MED30: variants seen among roughly 807,000 people sequenced by gnomAD.
The protein encoded by MED30 is mediator complex subunit 30, also known as mediator of RNA polymerase II transcription subunit 30.
In MED30, 8 loss-of-function variants were observed where a neutral mutation model predicts 21.7. That is an observed-to-expected ratio of 0.37 (90% CI 0.22 to 0.67). The LOEUF (loss-of-function observed/expected upper bound fraction) is 0.67. Ranked by LOEUF, MED30 falls within the 30% of genes least tolerant of loss-of-function variation. The pLI is 0.58. For synonymous variants in MED30, 79 were observed against 86.7 expected, an observed-to-expected ratio of 0.91 and a Z score of 0.49; for missense variants, 203 against 228.2, an observed-to-expected ratio of 0.89 and a Z score of 0.71.
Position 117,528,771 on chromosome 8 carries a change from A to G in MED30, c.298A>G (p.Asn100Asp). Reference sequence around the variant, plus strand: ...GCTGAGATTGGTATATGACAAATGCAATGAAAACTGTGGTGGGATGGATCC... The same window carrying G: ...GCTGAGATTGGTATATGACAAATGCGATGAAAACTGTGGTGGGATGGATCC... ...RKLRLVYDKCNENCGGMDPIP... is the reference protein window; with the variant it reads ...RKLRLVYDKCDENCGGMDPIP... Residue 100 changes from asparagine to aspartate, a missense_variant, in exon 2 of 4, where the codon AAT becomes GAT. Physicochemically the swap from Asn to Asp is conservative, Grantham distance 23. Transcript: ENST00000297347. 1.2e-6 allele frequency: 2 copies of G among 1,607,534 alleles called. No individual in the cohort carries two copies. Among genetic ancestry groups the G allele is most frequent in the Non-Finnish European group, 1.7e-6 (2 of 1,177,438 alleles).
At position 117,520,990 on chromosome 8, in the gene MED30, G is replaced by A. The variant is rs748959994; in HGVS notation, c.114G>A (p.Gln38=). Residue 38 remains glutamine, a synonymous_variant, in exon 1 of 4, where the codon CAG becomes CAA. Transcript: ENST00000297347. ...VNTASLCRIG[Q]ETVQDIVYRT... is the part of the protein sequence containing the mutation. ...CGGCGTCGCTGTGCCGCATCGGGCA[G>A]GAGACAGTGCAGGACATCGTGTACC... The A allele has an allele frequency of 3.1e-6, 5 of 1,613,022 alleles. No individual in the cohort carries two copies. Among genetic ancestry groups the A allele is most frequent in the Admixed American group, 1.7e-5 (1 of 59,946 alleles).
In MED30 at chr8:117,520,906, G is replaced by A. The variant is rs769459980; in HGVS notation, c.30G>A (p.Gly10=). The change falls in exon 1 of 4, where the codon GGG becomes GGA. Residue 10 remains glycine (G), a synonymous_variant. Transcript: ENST00000297347. ...CCACCCCTCCGTTGGCCGCGTCGGG[G>A]ATGGCGCCCGGGCCCTTCGCCGGGC... is the stretch of plus-strand genomic sequence containing the variant. MSTPPLAAS[G]MAPGPFAGPQ... is the part of the protein sequence containing the mutation. The A allele has an allele frequency of 6.2e-7, 1 of 1,607,566 alleles. No homozygotes were observed. Among genetic ancestry groups the A allele is most frequent in the African/African-American group, 1.3e-5 (1 of 74,720 alleles).
chr8:117,527,518 T>A (rs908125141), intron 1 of MED30, among the ~76,000 whole-genome samples: 1 of 151,954 alleles, frequency 6.6e-6, no homozygotes, highest in Non-Finnish European at 1.5e-5. Flanking sequence ...ATCTTACACA[T>A]CTTTTATCAA....
chr8:117,531,993 G>A (rs1052366533), intron 3 of MED30, among the ~76,000 whole-genome samples: 4 of 151,868 alleles, frequency 2.6e-5, no homozygotes, highest in Non-Finnish European at 4.4e-5. Context: ...TTACAATGCT[G>A]TAAACCTATT....
intron 1 of MED30, among the ~76,000 whole-genome samples, chr8:117,527,277 C>A (rs946061285): frequency 6.6e-6 from 1 of 151,894 alleles, no homozygotes; most frequent in Non-Finnish European, 1.5e-5. Context: ...GAGAAATGAA[C>A]CCTTAATGCC....
chr8:117,525,780 G>T (rs559928093), intron 1 of MED30, among the ~76,000 whole-genome samples: 1 of 152,066 alleles, frequency 6.6e-6, no homozygotes, highest in South Asian at 2.1e-4. Flanking sequence ...TCTATTCCAC[G>T]TAGCTGCCTA....
intron 2 of MED30, 88 bp downstream of exon 2, chr8:117,528,897 T>C: frequency 9.0e-7 from 1 of 1,114,228 alleles, no homozygotes; most frequent in Non-Finnish European, 1.2e-6. Context: ...TCTCCTGTTT[T>C]AGCAATATTT....
Position 117,520,757 on chromosome 8 carries a change from T to G in MED30, c.-120T>G. Reference sequence around the variant, plus strand: ...GGAAGTCGCGGCCGCTGTTTTGAAATCGGGCCGCGGGGGGTCTCTCAAGCT... The same window carrying G: ...GGAAGTCGCGGCCGCTGTTTTGAAAGCGGGCCGCGGGGGGTCTCTCAAGCT... On this transcript the variant is annotated 5_prime_UTR_variant, in exon 1 of 4. Coordinates refer to ENST00000297347, the MANE Select transcript of MED30 (RefSeq NM_080651.4). The G allele has an allele frequency of 9.7e-7, 1 of 1,036,130 alleles. No homozygotes were observed. Among genetic ancestry groups the G allele is most frequent in the Non-Finnish European group, 1.3e-6 (1 of 745,422 alleles). The allele number at this position is 1,036,130 out of a possible 1,614,324, so 64.2% of individuals were successfully genotyped here.
At chr8:117,523,574 C>T in intron 1 of MED30, 2 of 1,601,888 alleles carry the variant, frequency 1.2e-6, no homozygotes, top group South Asian at 2.2e-5. Flanking sequence ...TGTCTCCAGG[C>T]AAACTGTTCC....
chr8:117,539,579 T>A (rs1343855868), intron 3 of MED30, among the ~76,000 whole-genome samples: 2 of 152,222 alleles, frequency 1.3e-5, no homozygotes, highest in Admixed American at 6.5e-5. Flanking sequence ...CTTATATGCT[T>A]ATGTTTTATA....
In MED30 at chr8:117,528,773, T is replaced by A. The variant is rs1315394537; in HGVS notation, c.300T>A (p.Asn100Lys). The A allele has an allele frequency of 2.8e-5, 45 of 1,607,258 alleles. No individual in the cohort carries two copies. The highest frequency in any genetic ancestry group is 3.7e-5 in the Non-Finnish European group (44 of 1,177,394). Residue 100 changes from asparagine to lysine, a missense_variant, in exon 2 of 4, where the codon AAT (asparagine) becomes AAA (lysine). Transcript: ENST00000297347. The stretch of plus-strand genomic sequence containing the variant: ...TGAGATTGGTATATGACAAATGCAA[T>A]GAAAACTGTGGTGGGATGGATCCCA... ...RKLRLVYDKC[N>K]ENCGGMDPIP...
intron 1 of MED30, among the ~76,000 whole-genome samples, chr8:117,526,024 C>T (rs1454490074): frequency 6.6e-6 from 1 of 152,024 alleles, no homozygotes; most frequent in East Asian, 1.9e-4. Context: ...TATTCTTTTT[C>T]TGTTTTCCTA....
chr8:117,530,321 A>T (rs1270622285), intron 2 of MED30: 1 of 152,552 alleles, frequency 6.6e-6, no homozygotes, highest in Non-Finnish European at 1.5e-5. Context: ...ATCTCAATAG[A>T]CTACAAATCT....
At chr8:117,528,042 ATAGCAGT>A (rs1334103836) in intron 1 of MED30, among the ~76,000 whole-genome samples, 2 of 151,938 alleles carry the variant, frequency 1.3e-5, no homozygotes, top group East Asian at 3.8e-4. Context: ...AGTTATGATC[ATAGCAGT>A]TACTTGTAAT....
chr8:117,537,794 A>G (rs1265187369), intron 3 of MED30, among the ~76,000 whole-genome samples: 2 of 151,974 alleles, frequency 1.3e-5, no homozygotes, highest in Non-Finnish European at 2.9e-5. Flanking sequence ...GTCTGTTTTT[A>G]ACCACCCAGA....
chr8:117,535,659 T>C (rs572399259), intron 3 of MED30, among the ~76,000 whole-genome samples: 7 of 152,312 alleles, frequency 4.6e-5, no homozygotes, highest in African/African-American at 1.7e-4. Context: ...TAAAGTTCAC[T>C]GATTTGATTT....
Position 117,530,473 on chromosome 8 carries a change from A to G in MED30, c.337-250A>G, listed in dbSNP as rs548201773. ...CTTCTCCCATCTTCCTGCTGGAAGTATTGTTTAGTTGTACATGACAACCAA... is the reference window on the plus strand; with the variant it reads ...CTTCTCCCATCTTCCTGCTGGAAGTGTTGTTTAGTTGTACATGACAACCAA... On this transcript the variant is annotated intron_variant, in intron 2 of 3. Transcript: ENST00000297347. 8 of 282,742 alleles carry G rather than the reference A, an allele frequency of 2.8e-5. No individual in the cohort carries two copies. The South Asian group carries it at 1.3e-3, about 47-fold the overall frequency. 17.5% of individuals were successfully genotyped at this position (282,742 alleles called of 1,614,324 possible). A position where few individuals can be genotyped will look rare whatever the true frequency, so the allele number is the denominator to read the frequency against.
chr8:117,537,412 A>G (rs1818897113), intron 3 of MED30, among the ~76,000 whole-genome samples: 1 of 152,194 alleles, frequency 6.6e-6, no homozygotes, highest in Non-Finnish European at 1.5e-5. Context: ...TAATAAGCAT[A>G]AGTGTCAGCT....
chr8:117,533,671 C>T (rs1372047869), intron 3 of MED30, among the ~76,000 whole-genome samples: 2 of 152,056 alleles, frequency 1.3e-5, no homozygotes, highest in African/African-American at 4.8e-5. Flanking sequence ...TCTATGACAA[C>T]ATCTCAGTAC....
Sources: gnomAD v4.1 joint callset for allele counts (sites outside exome capture counted in the v4.1 genomes callset) on GRCh38, gnomAD v4.1.1 for gene constraint, MANE v1.5 for transcripts, NCBI Gene and HGNC (gene_info 2026-07-23, HGNC 2026-07-21) for gene names.